Variants in IL1RAPL2 observed in about 807,000 individuals in gnomAD.
IL1RAPL2 encodes the protein X-linked interleukin-1 receptor accessory protein-like 2.
A neutral mutation model predicts 44.1 loss-of-function variants in IL1RAPL2; 3 were observed. The observed-to-expected ratio is 0.07, with a 90% CI of 0.03 to 0.18. IL1RAPL2 has a LOEUF of 0.18. Ranked by LOEUF, IL1RAPL2 falls within the 10% of genes least tolerant of loss-of-function variation. The pLI is 1.00. For missense variants in IL1RAPL2, 391 were observed against 496.4 expected (o/e 0.79, Z 2.02); for synonymous variants, 181 against 178.8 (o/e 1.01, Z -0.10).
intron 2 of IL1RAPL2, among the ~76,000 whole-genome samples, chrX:105,077,466 T>A (rs1353313459): frequency 8.9e-6 from 1 of 111,750 alleles, no homozygotes; most frequent in African/African-American, 3.3e-5. Flanking sequence ...TCTCTCTGGC[T>A]GCCCTTAACA....
intron 2 of IL1RAPL2, among the ~76,000 whole-genome samples, chrX:105,036,420 T>A (rs1279452178): frequency 8.9e-6 from 1 of 112,156 alleles, no homozygotes; most frequent in Non-Finnish European, 1.9e-5. Context: ...TCTGGTATTT[T>A]AGAGTTTCCA....
intron 2 of IL1RAPL2, among the ~76,000 whole-genome samples, chrX:105,069,862 C>G (rs1160959811): frequency 6.3e-5 from 7 of 111,992 alleles, no homozygotes; most frequent in African/African-American, 9.7e-5. Context: ...TTGAATAATT[C>G]AAGAATTCTT....
At chrX:105,744,292 C>T (rs1014476382) in intron 8 of IL1RAPL2, among the ~76,000 whole-genome samples, 7 of 111,858 alleles carry the variant, frequency 6.3e-5, no homozygotes, top group African/African-American at 2.3e-4. Flanking sequence ...CAAAAGTATG[C>T]AGTTAATCTT....
intron 3 of IL1RAPL2, among the ~76,000 whole-genome samples, chrX:105,212,688 ACCT>A (rs1203287382): frequency 9.1e-6 from 1 of 110,143 alleles, no homozygotes; most frequent in Admixed American, 9.7e-5. Flanking sequence ...ACTGGGAGAA[ACCT>A]CCTAACAAGG....
At position 105,479,500 on chromosome X, in the gene IL1RAPL2, A is replaced by G. The variant is rs376567698; in HGVS notation, c.698-4813A>G. On this transcript the variant is annotated intron_variant, in intron 5 of 10. Transcript: ENST00000372582. The stretch of plus-strand genomic sequence containing the variant: ...CACACCTGTAATCCCAGCACTTTGG[A>G]AGGCCGAGGCGGGTGGATTACCTGA... Among the ~76,000 whole-genome samples, 4 of 110,411 alleles carry G rather than the reference A, an allele frequency of 3.6e-5. No homozygotes were observed. The East Asian group carries it at 1.1e-3, about 32-fold the overall frequency.
chrX:105,344,188 C>T (rs1038467224), intron 5 of IL1RAPL2, among the ~76,000 whole-genome samples: 1 of 112,365 alleles, frequency 8.9e-6, no homozygotes, highest in Non-Finnish European at 1.9e-5. Flanking sequence ...AGCCACCGCT[C>T]CTGGCCTTTA....
intron 5 of IL1RAPL2, among the ~76,000 whole-genome samples, chrX:105,297,586 C>T (rs1358912367): frequency 9.0e-6 from 1 of 110,607 alleles, no homozygotes; most frequent in East Asian, 2.9e-4. Flanking sequence ...AAGCGCCAGA[C>T]ACTTATCAAA....
intron 2 of IL1RAPL2, among the ~76,000 whole-genome samples, chrX:104,675,817 C>A (rs1038636231): frequency 1.8e-5 from 2 of 110,027 alleles, no homozygotes; most frequent in East Asian, 5.7e-4. Context: ...GGATAGTTAG[C>A]TCTTCTTGTT....
intron 2 of IL1RAPL2, among the ~76,000 whole-genome samples, chrX:104,677,102 A>C (rs906145350): frequency 8.9e-6 from 1 of 112,135 alleles, no homozygotes; most frequent in Admixed American, 9.4e-5. Context: ...CAGCTCGTCA[A>C]AGTCATTCTC....
At chrX:105,029,614 G>T (rs1270404571) in intron 2 of IL1RAPL2, among the ~76,000 whole-genome samples, 1 of 109,107 alleles carries the variant, frequency 9.2e-6, no homozygotes, top group Admixed American at 9.9e-5. Flanking sequence ...GTATTCCATG[G>T]TGTATATATG....
At chrX:104,671,746 C>G (rs1227497422) in intron 2 of IL1RAPL2, among the ~76,000 whole-genome samples, 1 of 111,732 alleles carries the variant, frequency 8.9e-6, no homozygotes, top group Non-Finnish European at 1.9e-5. Flanking sequence ...ATTACTGGCA[C>G]CCTAGCAGTC....
chrX:104,936,852 C>T (rs1330102777), intron 2 of IL1RAPL2, among the ~76,000 whole-genome samples: 2 of 110,682 alleles, frequency 1.8e-5, no homozygotes, highest in Non-Finnish European at 3.8e-5. Context: ...GTGATCCACC[C>T]GCCTCGGCCT....
intron 5 of IL1RAPL2, among the ~76,000 whole-genome samples, chrX:105,344,581 A>T: frequency 8.9e-6 from 1 of 111,882 alleles, no homozygotes; most frequent in Non-Finnish European, 1.9e-5. Flanking sequence ...AGATCATGCC[A>T]CCCTCTCTGA....
chrX:104,634,729 T>C (rs1929751807), intron 1 of IL1RAPL2, among the ~76,000 whole-genome samples: 2 of 111,804 alleles, frequency 1.8e-5, no homozygotes, highest in African/African-American at 6.5e-5. Context: ...ATTTTGAGCC[T>C]ATGTGTGTCT....
At chrX:105,515,527 C>T (rs1400193468) in intron 6 of IL1RAPL2, among the ~76,000 whole-genome samples, 3 of 110,246 alleles carry the variant, frequency 2.7e-5, no homozygotes, top group Non-Finnish European at 5.7e-5. Context: ...AAAAAATTTA[C>T]CAACTGTCAG....
intron 2 of IL1RAPL2, among the ~76,000 whole-genome samples, chrX:104,789,292 C>A (rs1172713410): frequency 9.0e-6 from 1 of 111,682 alleles, no homozygotes; most frequent in African/African-American, 3.3e-5. Context: ...TTGCCCTCAT[C>A]CCTCCCTCTT....
intron 3 of IL1RAPL2, among the ~76,000 whole-genome samples, chrX:105,222,558 A>G (rs2033975459): frequency 8.9e-6 from 1 of 112,245 alleles, no homozygotes; most frequent in Non-Finnish European, 1.9e-5. Flanking sequence ...AAGATAATGT[A>G]GAAAAGAGAA....
At chrX:105,136,918 A>G (rs1208232826) in intron 2 of IL1RAPL2, among the ~76,000 whole-genome samples, 1 of 112,553 alleles carries the variant, frequency 8.9e-6, no homozygotes, top group Non-Finnish European at 1.9e-5. Flanking sequence ...CTTGGCATGA[A>G]GAGATCTTGG....
chrX:104,949,683 A>G (rs913144130), intron 2 of IL1RAPL2, among the ~76,000 whole-genome samples: 3 of 110,497 alleles, frequency 2.7e-5, no homozygotes, highest in Non-Finnish European at 5.7e-5. Context: ...TGTAGCCAGT[A>G]GTCATTCAGG....
Sources: gnomAD v4.1 joint callset for allele counts (sites outside exome capture counted in the v4.1 genomes callset) on GRCh38, gnomAD v4.1.1 for gene constraint, MANE v1.5 for transcripts, NCBI Gene and HGNC (gene_info 2026-07-23, HGNC 2026-07-21) for gene names.